Variants in SMOC2 observed in about 807,000 individuals in gnomAD.
The protein encoded by SMOC2 is SPARC related modular calcium binding 2, also known as SPARC-related modular calcium-binding protein 2.
In SMOC2, 39 loss-of-function variants were observed where a neutral mutation model predicts 61.4. That is an observed-to-expected ratio of 0.64 (90% CI 0.49 to 0.83). The LOEUF is 0.83. Among genes scored for constraint, SMOC2 ranks in the 40% least tolerant of loss-of-function variants. The probability of loss-of-function intolerance (pLI) is 0.00; values close to 1 mark genes in which losing one functional copy is unlikely to be tolerated. For synonymous variants in SMOC2, 247 were observed against 239.9 expected (o/e 1.03, Z -0.27); for missense variants, 556 against 592.9 (o/e 0.94, Z 0.65).
chr6:168,578,574 A>G (rs73260646), intron 7 of SMOC2, among the ~76,000 whole-genome samples: 1,565 of 152,332 alleles, frequency 0.01, 24 homozygotes, highest in African/African-American at 0.036. Context: ...GAAGGTCCCC[A>G]GGGCTTCATG....
At chr6:168,466,226 A>C (rs1583036331) in intron 1 of SMOC2, among the ~76,000 whole-genome samples, 1 of 118,308 alleles carries the variant, frequency 8.5e-6, no homozygotes, top group Non-Finnish European at 1.8e-5. Context: ...ACTGCTTTGA[A>C]AGCTGAAACT....
At chr6:168,605,460 G>A (rs1785663046) in intron 8 of SMOC2, among the ~76,000 whole-genome samples, 1 of 152,142 alleles carries the variant, frequency 6.6e-6, no homozygotes, top group Non-Finnish European at 1.5e-5. Flanking sequence ...TGACAAAGCT[G>A]AAATTAACGG....
intron 1 of SMOC2, among the ~76,000 whole-genome samples, chr6:168,450,718 C>A (rs1412367495): frequency 6.6e-6 from 1 of 152,096 alleles, no homozygotes. Context: ...AGCTTTGGTT[C>A]ATTGATATCC....
chr6:168,567,392 A>G (rs1273773374), intron 7 of SMOC2, among the ~76,000 whole-genome samples: 1 of 152,230 alleles, frequency 6.6e-6, no homozygotes, highest in East Asian at 1.9e-4. Flanking sequence ...AATTATGGGT[A>G]TATACAAAAT....
At chr6:168,659,621 A>AGTGAGGGTGGAGGTTGTAGGTTGG (rs1787435057) in intron 11 of SMOC2, among the ~76,000 whole-genome samples, 4 of 26,620 alleles carry the variant, frequency 1.5e-4, no homozygotes, top group Admixed American at 4.3e-4. Context: ...TTGTAGGCTG[A>AGTGAGGGTGGAGGTTGTAGGTTGG]GTGAGGGTGG....
intron 2 of SMOC2, 52 bp downstream of exon 2, chr6:168,510,138 A>AT: frequency 6.5e-7 from 1 of 1,545,692 alleles, no homozygotes. Flanking sequence ...CATCATCAAA[A>AT]TGAATGCAAA....
At position 168,450,075 on chromosome 6, in the gene SMOC2, GA is replaced by G. The variant is rs780223273; in HGVS notation, c.84+8627del. On this transcript the variant is annotated intron_variant, in intron 1 of 12. Transcript: ENST00000356284. The stretch of plus-strand genomic sequence containing the variant: ...GAGGAGAAAGAGAAGAGAGAGAAGA[GA>G]AAAAAGAAAAGGAAGGAGAGAGAAA... Among the ~76,000 whole-genome samples the G allele has an allele frequency of 7.9e-5, 12 of 152,112 alleles. No homozygotes were observed. The East Asian group carries it at 2.3e-3, about 29-fold the overall frequency.
At chr6:168,622,258 G>A (rs930977121) in intron 9 of SMOC2, among the ~76,000 whole-genome samples, 2 of 152,030 alleles carry the variant, frequency 1.3e-5, no homozygotes, top group African/African-American at 2.4e-5. Flanking sequence ...GAGCCACTGC[G>A]GCCAGCCTCT....
chr6:168,534,664 C>G (rs1224457303), intron 4 of SMOC2, among the ~76,000 whole-genome samples: 2 of 152,184 alleles, frequency 1.3e-5, no homozygotes, highest in African/African-American at 4.8e-5. Context: ...TACTTTTAAC[C>G]TCAGGAAAAA....
At chr6:168,518,900 C>T (rs188088492) in intron 2 of SMOC2, among the ~76,000 whole-genome samples, 56 of 145,218 alleles carry the variant, frequency 3.9e-4, no homozygotes, top group East Asian at 1.2e-3. Context: ...CGTGTGTGTG[C>T]GTGCATGTGT....
Position 168,463,765 on chromosome 6 carries a change from G to A in SMOC2, c.84+22311G>A, listed in dbSNP as rs1021445707. Among the ~76,000 whole-genome samples, 8 of 152,256 alleles carry A rather than the reference G, an allele frequency of 5.3e-5. No individual in the cohort carries two copies. The East Asian group carries it at 5.8e-4, about 11-fold the overall frequency. On this transcript the variant is annotated intron_variant, in intron 1 of 12. Transcript: ENST00000356284. Reference sequence around the variant, plus strand: ...CCAGAGGCAAGGTGCAGGCCCAGGCGTGTTGCTCAGGCATCATCTCTACAG... The same window carrying A: ...CCAGAGGCAAGGTGCAGGCCCAGGCATGTTGCTCAGGCATCATCTCTACAG...
At chr6:168,598,399 C>T (rs374496328) in intron 7 of SMOC2, among the ~76,000 whole-genome samples, 2 of 152,320 alleles carry the variant, frequency 1.3e-5, no homozygotes, top group East Asian at 3.9e-4. Flanking sequence ...TCTGAGGAAT[C>T]TCCAGCCTCA....
intron 1 of SMOC2, among the ~76,000 whole-genome samples, chr6:168,441,671 GC>G (rs1781213259): frequency 6.6e-6 from 1 of 152,162 alleles, no homozygotes. Flanking sequence ...TGGGGACCCT[GC>G]CCGCCGGGGT....
At chr6:168,601,880 C>T (rs185519258) in intron 8 of SMOC2, among the ~76,000 whole-genome samples, 177 of 152,314 alleles carry the variant, frequency 1.2e-3, no homozygotes, top group African/African-American at 4.1e-3. Context: ...CTTCATTCCG[C>T]TGTCATGGCA....
intron 7 of SMOC2, among the ~76,000 whole-genome samples, chr6:168,586,624 C>G (rs981983293): frequency 2.0e-5 from 3 of 152,108 alleles, no homozygotes; most frequent in Non-Finnish European, 4.4e-5. Context: ...TGGTACATCT[C>G]TTTATTTATT....
At chr6:168,488,592 C>T (rs932121446) in intron 1 of SMOC2, among the ~76,000 whole-genome samples, 3 of 152,216 alleles carry the variant, frequency 2.0e-5, no homozygotes, top group African/African-American at 4.8e-5. Context: ...CTAACATTTT[C>T]GCAGGAGGCA....
chr6:168,483,236 C>T (rs554790262), intron 1 of SMOC2, among the ~76,000 whole-genome samples: 2 of 151,840 alleles, frequency 1.3e-5, no homozygotes, highest in East Asian at 3.9e-4. Context: ...TAAATGAATT[C>T]AGAAAAGTAG....
In SMOC2 at chr6:168,455,630, T is replaced by TAA. The variant is rs1781565024; in HGVS notation, c.84+14178_84+14179dup. 2.0e-5 allele frequency among the ~76,000 whole-genome samples: 3 copies of TAA among 152,334 alleles called. No homozygotes were observed. The South Asian group carries it at 6.2e-4, about 32-fold the overall frequency. ...AAGGTTACACAGATTTTATAAAATG[T>TAA]AAAGGAAAAGGTACAGATTTCATTA... is the stretch of plus-strand genomic sequence containing the variant. On this transcript the variant is annotated intron_variant, in intron 1 of 12. Transcript: ENST00000356284.
At chr6:168,517,116 G>A (rs1310136983) in intron 2 of SMOC2, among the ~76,000 whole-genome samples, 5 of 152,238 alleles carry the variant, frequency 3.3e-5, no homozygotes, top group Non-Finnish European at 7.3e-5. Context: ...GCTGTGCCGT[G>A]ACAAGGCGTT....
Sources: allele counts gnomAD v4.1 joint callset (sites outside exome capture counted in the v4.1 genomes callset), GRCh38; gene constraint gnomAD v4.1.1; transcripts MANE v1.5; gene names NCBI Gene and HGNC (gene_info 2026-07-23, HGNC 2026-07-21).